Variants in CTNNA3 observed in about 807,000 individuals in gnomAD.
CTNNA3 encodes catenin alpha-3.
Under a neutral mutation model 95.7 loss-of-function variants are expected in CTNNA3, and 76 were observed. That is an observed-to-expected ratio of 0.79 (90% CI 0.66 to 0.96). CTNNA3 has a LOEUF of 0.96. Ranked by LOEUF, CTNNA3 falls within the 40% of genes least tolerant of loss-of-function variation. The pLI is 0.00. For synonymous variants in CTNNA3, 431 were observed against 374.4 expected (o/e 1.15, Z -1.74); for missense variants, 1,191 against 1,089.8 (o/e 1.09, Z -1.31).
At chr10:66,028,551 C>T (rs2079386628) in intron 15 of CTNNA3, among the ~76,000 whole-genome samples, 2 of 150,042 alleles carry the variant, frequency 1.3e-5, no homozygotes, top group Admixed American at 1.3e-4. Context: ...ACAATGAGGA[C>T]ACATGGACAC....
intron 12 of CTNNA3, among the ~76,000 whole-genome samples, chr10:66,371,397 T>A (rs1457007473): frequency 1.3e-5 from 2 of 152,186 alleles, no homozygotes; most frequent in African/African-American, 2.4e-5. Flanking sequence ...TTCCCTGGAA[T>A]GTACCTCAAT....
chr10:67,032,154 G>GA (rs1456360900), intron 7 of CTNNA3, among the ~76,000 whole-genome samples: 2 of 152,054 alleles, frequency 1.3e-5, no homozygotes, highest in Non-Finnish European at 2.9e-5. Context: ...CTGAGGCCTA[G>GA]AAAAAATATA....
chr10:66,379,257 G>A lies in CTNNA3; in HGVS notation c.1627C>T (p.Arg543Trp), dbSNP rs372758887. 60 of 1,613,940 alleles carry A rather than the reference G, an allele frequency of 3.7e-5. No homozygotes were observed. The highest frequency in any genetic ancestry group is 4.3e-5 in the Non-Finnish European group (51 of 1,179,982). The change falls in exon 12 of 18, where the codon CGG (arginine) becomes TGG (tryptophan). Residue 543 changes from arginine to tryptophan, a missense_variant. By Grantham distance (101) the Arg-to-Trp change is moderately radical. Transcript: ENST00000433211. The stretch of plus-strand genomic sequence containing the variant: ...ACGATGTGAGCAACTCTTGCTGCCC[G>A]GCCTCTGATAGCACCCGCAGCACGG... Reference protein sequence around the residue: ...LDRAAGAIRGRAARVAHIVTG... With the variant: ...LDRAAGAIRGWAARVAHIVTG...
At chr10:67,638,387 T>C (rs1466968903) in intron 2 of CTNNA3, among the ~76,000 whole-genome samples, 1 of 152,130 alleles carries the variant, frequency 6.6e-6, no homozygotes, top group African/African-American at 2.4e-5. Context: ...TAAAGAGACT[T>C]AGACTCCCAC....
intron 13 of CTNNA3, among the ~76,000 whole-genome samples, chr10:66,130,687 A>G (rs895965778): frequency 2.6e-5 from 4 of 151,828 alleles, no homozygotes; most frequent in African/African-American, 9.7e-5. Context: ...TACTAAAAAT[A>G]CAAAAAACGA....
Position 67,656,618 on chromosome 10 carries a change from G to A in CTNNA3, c.-5-9100C>T, listed in dbSNP as rs188836019. Among the ~76,000 whole-genome samples the A allele has an allele frequency of 2.6e-5, 4 of 151,922 alleles. No individual in the cohort carries two copies. The East Asian group carries it at 7.7e-4, about 29-fold the overall frequency. On this transcript the variant is annotated intron_variant, in intron 1 of 17. Transcript: ENST00000433211. ...GTAGGCAGGGCTGGGTGATAGGGAA[G>A]TTCAGAGCAGATTTCAGTATTAAAT... is the stretch of plus-strand genomic sequence containing the variant.
At chr10:67,508,379 G>C (rs1256852785) in intron 5 of CTNNA3, among the ~76,000 whole-genome samples, 1 of 152,170 alleles carries the variant, frequency 6.6e-6, no homozygotes, top group African/African-American at 2.4e-5. Context: ...ATGCTCAATA[G>C]TGAAAAGTTG....
At chr10:66,410,739 G>A (rs1327544907) in intron 11 of CTNNA3, among the ~76,000 whole-genome samples, 1 of 152,058 alleles carries the variant, frequency 6.6e-6, no homozygotes, top group Admixed American at 6.6e-5. Flanking sequence ...CCCATCTTTT[G>A]CCTACTTCTC....
intron 1 of CTNNA3, chr10:67,750,434 A>T: frequency 1.3e-5 from 20 of 1,489,256 alleles, no homozygotes; most frequent in Non-Finnish European, 1.7e-5. Context: ...TGTCTATCAG[A>T]ATGAACATGA....
intron 1 of CTNNA3, among the ~76,000 whole-genome samples, chr10:67,674,163 C>T (rs912348413): frequency 2.6e-5 from 4 of 151,872 alleles, no homozygotes; most frequent in Admixed American, 6.6e-5. Flanking sequence ...GAGATAGGTC[C>T]GTTAAAGAGG....
At chr10:66,408,612 G>T (rs1199093216) in intron 11 of CTNNA3, among the ~76,000 whole-genome samples, 1 of 151,972 alleles carries the variant, frequency 6.6e-6, no homozygotes, top group Non-Finnish European at 1.5e-5. Context: ...AGCCATAAAG[G>T]TCTTCCTGAT....
intron 10 of CTNNA3, among the ~76,000 whole-genome samples, chr10:66,583,886 G>C (rs528213720): frequency 2.2e-4 from 33 of 151,700 alleles, no homozygotes; most frequent in African/African-American, 7.2e-4. Flanking sequence ...TGTCACTGTT[G>C]TTATTCATTT....
intron 7 of CTNNA3, among the ~76,000 whole-genome samples, chr10:66,899,303 T>C (rs1448555158): frequency 6.6e-6 from 1 of 151,860 alleles, no homozygotes; most frequent in Non-Finnish European, 1.5e-5. Flanking sequence ...CAGTATGGAG[T>C]TTCCTCAAAA....
chr10:66,772,204 T>C (rs550496742), intron 8 of CTNNA3, among the ~76,000 whole-genome samples: 5 of 152,098 alleles, frequency 3.3e-5, no homozygotes, highest in Admixed American at 2.6e-4. Flanking sequence ...GGTGGGCAGA[T>C]CACAAGGTCA....
chr10:66,136,612 T>C (rs2394192), intron 13 of CTNNA3, among the ~76,000 whole-genome samples: 126,065 of 152,070 alleles, frequency 0.83, 52,435 homozygotes, highest in South Asian at 0.92. Context: ...ATAAACCATG[T>C]TCTGATGTGT....
In CTNNA3 at chr10:67,017,256, G is replaced by T. The variant is rs115933817; in HGVS notation, c.1047+163061C>A. On this transcript the variant is annotated intron_variant, in intron 7 of 17. Transcript: ENST00000433211. ...TAGATCTAAAAACATTACTGAAATT[G>T]CCAACTTCAAATAAACTAGGCCAAG... Among the ~76,000 whole-genome samples the T allele has an allele frequency of 2.8e-3, 431 of 152,212 alleles. 1 individual carries two copies. The highest frequency in any genetic ancestry group is 9.9e-3 in the African/African-American group (411 of 41,536).
chr10:66,539,069 T>C (rs1044554147), intron 10 of CTNNA3, among the ~76,000 whole-genome samples: 1 of 152,120 alleles, frequency 6.6e-6, no homozygotes, highest in African/African-American at 2.4e-5. Context: ...CTCATAGAGT[T>C]GTTTAAAACC....
chr10:66,125,422 G>T (rs1332006413), intron 13 of CTNNA3, among the ~76,000 whole-genome samples: 1 of 152,044 alleles, frequency 6.6e-6, no homozygotes, highest in African/African-American at 2.4e-5. Context: ...AATGTATATT[G>T]CAAACTCTAG....
chr10:66,659,596 C>A (rs1846189180), intron 9 of CTNNA3, among the ~76,000 whole-genome samples: 1 of 152,048 alleles, frequency 6.6e-6, no homozygotes. Flanking sequence ...TCCTAACCTC[C>A]AAGGTGATGG....
Sources: gnomAD v4.1 joint callset for allele counts (sites outside exome capture counted in the v4.1 genomes callset) on GRCh38, gnomAD v4.1.1 for gene constraint, MANE v1.5 for transcripts, NCBI Gene and HGNC (gene_info 2026-07-23, HGNC 2026-07-21) for gene names.